Variants in EPRS1 observed in about 807,000 individuals in gnomAD.
The protein encoded by EPRS1 is bifunctional glutamate/proline--tRNA ligase.
In EPRS1, 107 loss-of-function variants were observed where a neutral mutation model predicts 188.3. That is an observed-to-expected ratio of 0.57 (90% confidence interval 0.49 to 0.67). EPRS1 has a LOEUF of 0.67. Among genes scored for constraint, EPRS1 ranks in the 30% least tolerant of loss-of-function variants. The probability of loss-of-function intolerance (pLI) is 0.00; values close to 1 mark genes in which losing one functional copy is unlikely to be tolerated. For missense variants in EPRS1, 1,577 were observed against 1,802.2 expected, an observed-to-expected ratio of 0.88 and a Z score of 2.26; for synonymous variants, 596 against 593.1, an observed-to-expected ratio of 1.00 and a Z score of -0.07.
intron 1 of EPRS1, among the ~76,000 whole-genome samples, chr1:220,043,359 G>A (rs1031565865): frequency 1.3e-5 from 2 of 152,110 alleles, no homozygotes; most frequent in African/African-American, 4.8e-5. Flanking sequence ...GTAACTTCTT[G>A]AGTATTTTTG....
At chr1:220,044,562 TA>T (rs1426001679) in intron 1 of EPRS1, among the ~76,000 whole-genome samples, 4 of 150,668 alleles carry the variant, frequency 2.7e-5, no homozygotes, top group Non-Finnish European at 5.9e-5. Flanking sequence ...CTGTGTCTAC[TA>T]AAAAATACAA....
intron 13 of EPRS1, among the ~76,000 whole-genome samples, chr1:220,009,591 G>C (rs1661560903): frequency 6.6e-6 from 1 of 151,960 alleles, no homozygotes; most frequent in African/African-American, 2.4e-5. Flanking sequence ...GGATGCTGAG[G>C]TGGAAGGATC....
rs906054706 is a variant in EPRS1, at chr1:219,987,484, T to G, written c.2776-80A>C. The G allele has an allele frequency of 6.6e-6, 8 of 1,206,916 alleles. No individual in the cohort carries two copies. The African/African-American group carries it at 1.2e-4, about 18-fold the overall frequency. The allele number at this position is 1,206,916 out of a possible 1,614,324, so 74.8% of individuals were successfully genotyped here. Reference sequence around the variant, plus strand: ...TCTAAGCACACTTAAACAAATACAATGCTCAAAGCTTTCTTTTTTCCGCCA... The same window carrying G: ...TCTAAGCACACTTAAACAAATACAAGGCTCAAAGCTTTCTTTTTTCCGCCA... On this transcript the variant is annotated intron_variant, in intron 19 of 31. Coordinates refer to ENST00000366923, the MANE Select transcript of EPRS1 (RefSeq NM_004446.3).
At chr1:220,033,805 G>T in intron 3 of EPRS1, 147 bp from the exon 4 acceptor site, 1 of 577,562 alleles carries the variant, frequency 1.7e-6, no homozygotes, top group Non-Finnish European at 3.0e-6. Flanking sequence ...ATCATTATGT[G>T]GACTAAATTC....
chr1:220,005,829 G>GTTTTTT (rs879818549), intron 15 of EPRS1, among the ~76,000 whole-genome samples: 22 of 45,728 alleles, frequency 4.8e-4, no homozygotes, highest in African/African-American at 1.7e-3. Flanking sequence ...TTTTTTTTTT[G>GTTTTTT]TTTTTTTTTT....
chr1:220,005,829 G>GTT lies in EPRS1; in HGVS notation c.1950+275_1950+276dup, dbSNP rs879818549. 3.1e-3 allele frequency among the ~76,000 whole-genome samples: 142 copies of GTT among 45,728 alleles called. 15 individuals carry two copies. The highest frequency in any genetic ancestry group is 0.012 in the African/African-American group (134 of 11,138). 30.0% of individuals were successfully genotyped at this position (45,728 alleles called of 152,430 possible). ...CATTACTTACATCGTTTTTTTTTTT[G>GTT]TTTTTTTTTTTGTTTTTTTTTGTAG... On this transcript the variant is annotated intron_variant, in intron 15 of 31. Transcript: ENST00000366923.
intron 13 of EPRS1, among the ~76,000 whole-genome samples, chr1:220,008,834 C>G (rs1240454194): frequency 6.6e-6 from 1 of 151,998 alleles, no homozygotes; most frequent in Non-Finnish European, 1.5e-5. Context: ...AACCATAATG[C>G]CTGGTTAATT....
At chr1:219,989,763 A>G (rs1019394624) in intron 18 of EPRS1, among the ~76,000 whole-genome samples, 4 of 152,186 alleles carry the variant, frequency 2.6e-5, no homozygotes. Flanking sequence ...TTAGAGTGTC[A>G]TACCAGGTAC....
intron 28 of EPRS1, among the ~76,000 whole-genome samples, chr1:219,974,691 A>T (rs1660742695): frequency 6.6e-6 from 1 of 152,166 alleles, no homozygotes; most frequent in Admixed American, 6.5e-5. Flanking sequence ...AAAAACCACA[A>T]TGGAACCAAC....
intron 1 of EPRS1, among the ~76,000 whole-genome samples, chr1:220,041,191 G>A (rs1401228842): frequency 6.6e-6 from 1 of 151,818 alleles, no homozygotes; most frequent in Non-Finnish European, 1.5e-5. Context: ...AATTAGCTAG[G>A]CATAGTGGTA....
chr1:219,997,371 T>C, intron 17 of EPRS1, 29 bp from the exon 18 acceptor site: 5 of 1,501,726 alleles, frequency 3.3e-6, no homozygotes, highest in Non-Finnish European at 4.5e-6. Flanking sequence ...AAAAGTAAAA[T>C]AATTAATTCA....
At position 220,007,128 on chromosome 1, in the gene EPRS1, T is replaced by A. The variant is rs1661503889; in HGVS notation, c.1742+74A>T. 12 of 1,324,768 alleles carry A rather than the reference T, an allele frequency of 9.1e-6. No individual in the cohort carries two copies. In the South Asian group the frequency reaches 1.7e-4, roughly 19 times the overall value. The allele number at this position is 1,324,768 out of a possible 1,614,324, so 82.1% of individuals were successfully genotyped here. On this transcript the variant is annotated intron_variant, in intron 14 of 31. Coordinates refer to ENST00000366923, the MANE Select transcript of EPRS1 (RefSeq NM_004446.3). ...GCAACATGTATGGGTCTGAATTTGG[T>A]AATGTTTAATAAGTAAACACAAATA...
chr1:219,982,344 A>G (rs1321351531), intron 23 of EPRS1, among the ~76,000 whole-genome samples: 1 of 152,198 alleles, frequency 6.6e-6, no homozygotes, highest in Non-Finnish European at 1.5e-5. Flanking sequence ...CTGTTGTAAG[A>G]ATAACACGAG....
intron 30 of EPRS1, among the ~76,000 whole-genome samples, chr1:219,969,463 C>T (rs969539986): frequency 6.6e-6 from 1 of 152,160 alleles, no homozygotes; most frequent in Non-Finnish European, 1.5e-5. Context: ...ACCTGGACTA[C>T]ACCTGCTCTA....
chr1:219,982,882 A>G (rs1660926612), intron 22 of EPRS1, 38 bp from the exon 23 acceptor site: 1 of 1,580,898 alleles, frequency 6.3e-7, no homozygotes, highest in Non-Finnish European at 8.7e-7. Flanking sequence ...TTTTTTTTCA[A>G]TAGCATTTTG....
rs1167826267 is a variant in EPRS1 at position 220,046,442 on chromosome 1, C to A, written c.-54G>T. On this transcript the variant is annotated 5_prime_UTR_variant, in exon 1 of 32. Transcript: ENST00000366923. Reference sequence around the variant, plus strand: ...GTACGCCTGGCTCGTGCCAGAACTACGGAGGACCCCGCGAAAGGAAGAAGA... The same window carrying A: ...GTACGCCTGGCTCGTGCCAGAACTAAGGAGGACCCCGCGAAAGGAAGAAGA... The A allele has an allele frequency of 8.7e-6, 14 of 1,608,282 alleles. No individual in the cohort carries two copies. The South Asian group carries it at 1.3e-4, about 15-fold the overall frequency.
intron 28 of EPRS1, among the ~76,000 whole-genome samples, chr1:219,975,176 G>T (rs1411540004): frequency 6.6e-6 from 1 of 152,146 alleles, no homozygotes; most frequent in African/African-American, 2.4e-5. Context: ...CCACAGCAGG[G>T]TGTCTGAGCC....
At chr1:220,007,880 A>G (rs1768667) in intron 13 of EPRS1, among the ~76,000 whole-genome samples, 131,539 of 152,256 alleles carry the variant, frequency 0.86, 57,245 homozygotes, top group African/African-American at 0.97. Context: ...AGCTGAGGTG[A>G]GCAGATCACG....
rs146881805 is a variant in EPRS1 at position 219,983,328 on chromosome 1, T to G, written c.3161A>C (p.Tyr1054Ser). The G allele has an allele frequency of 3.1e-6, 5 of 1,614,040 alleles. No individual in the cohort carries two copies. The East Asian group carries it at 8.9e-5, about 29-fold the overall frequency. ...GTCCTTGATGGCTTCCCAAATGGCA[T>G]AGGCCCAGGGACGAAGAATATAACA... is the stretch of plus-strand genomic sequence containing the variant. The part of the protein sequence containing the change: ...SGCYILRPWA[Y>S]AIWEAIKDFF... Residue 1054 changes from tyrosine (Y) to serine (S), a missense_variant, in exon 22 of 32, where the codon TAT (tyrosine) becomes TCT (serine). Tyr to Ser is a moderately radical substitution (Grantham distance 144). Transcript: ENST00000366923.
Sources: gnomAD v4.1 joint callset for allele counts (sites outside exome capture counted in the v4.1 genomes callset) on GRCh38, gnomAD v4.1.1 for gene constraint, MANE v1.5 for transcripts, NCBI Gene and HGNC (gene_info 2026-07-23, HGNC 2026-07-21) for gene names.